Variants in ZNF804A observed in about 807,000 individuals in gnomAD.
The protein encoded by ZNF804A is zinc finger protein 804A.
ZNF804A carries 2 observed loss-of-function variants against 16.5 expected under a neutral mutation model. The observed-to-expected ratio is 0.12, with a 90% CI of 0.05 to 0.38. The LOEUF is 0.38. ZNF804A is among the 10% of genes least tolerant of loss of function. The pLI, the probability that ZNF804A is intolerant of heterozygous loss-of-function variation, is 0.99. For synonymous variants in ZNF804A, 534 were observed against 489.6 expected (o/e 1.09, Z -1.20); for missense variants, 1,473 against 1,390.7 (o/e 1.06, Z -0.94).
chr2:184,755,098 C>T (rs1693938776), intron 1 of ZNF804A, among the ~76,000 whole-genome samples: 1 of 151,830 alleles, frequency 6.6e-6, no homozygotes, highest in Admixed American at 6.6e-5. Flanking sequence ...GCAGAATGAT[C>T]TCAGTGTTAA....
chr2:184,661,472 G>A (rs746892909), intron 1 of ZNF804A, among the ~76,000 whole-genome samples: 14 of 152,172 alleles, frequency 9.2e-5, no homozygotes, highest in Admixed American at 5.2e-4. Flanking sequence ...TTTATTGAGC[G>A]ACAGAAGAAA....
intron 1 of ZNF804A, among the ~76,000 whole-genome samples, chr2:184,862,796 T>C (rs1391771643): frequency 1.3e-5 from 2 of 152,132 alleles, no homozygotes; most frequent in Non-Finnish European, 2.9e-5. Flanking sequence ...TATATGGGCC[T>C]TAATGGAATT....
chr2:184,777,397 T>C (rs1014006954), intron 1 of ZNF804A, among the ~76,000 whole-genome samples: 3 of 151,696 alleles, frequency 2.0e-5, no homozygotes, highest in African/African-American at 4.8e-5. Context: ...GTTTTCCAGA[T>C]TAGTGACTTT....
At chr2:184,644,503 ATTAT>A (rs1202503555) in intron 1 of ZNF804A, among the ~76,000 whole-genome samples, 2 of 151,848 alleles carry the variant, frequency 1.3e-5, no homozygotes, top group African/African-American at 4.8e-5. Context: ...AAAATCTGTA[ATTAT>A]TTGTTTGACA....
intron 1 of ZNF804A, among the ~76,000 whole-genome samples, chr2:184,794,475 C>A (rs1487179812): frequency 6.6e-6 from 1 of 151,972 alleles, no homozygotes; most frequent in South Asian, 2.1e-4. Flanking sequence ...GGATAGTAGT[C>A]CTTTGTCAGA....
At chr2:184,700,342 C>A (rs1457010162) in intron 1 of ZNF804A, among the ~76,000 whole-genome samples, 3 of 151,968 alleles carry the variant, frequency 2.0e-5, no homozygotes, top group Non-Finnish European at 4.4e-5. Flanking sequence ...ATACTGTTTA[C>A]TGAAAAATAT....
At chr2:184,921,010 C>T (rs1042468689) in intron 2 of ZNF804A, among the ~76,000 whole-genome samples, 4 of 152,128 alleles carry the variant, frequency 2.6e-5, no homozygotes, top group African/African-American at 9.7e-5. Flanking sequence ...ATTCATACAC[C>T]TTCCCTAATC....
At chr2:184,912,605 A>G (rs1685381251) in intron 2 of ZNF804A, among the ~76,000 whole-genome samples, 1 of 152,056 alleles carries the variant, frequency 6.6e-6, no homozygotes, top group Non-Finnish European at 1.5e-5. Flanking sequence ...CATCCTTGCC[A>G]ACATGTATTA....
At chr2:184,618,196 TATC>T (rs1184656685) in intron 1 of ZNF804A, among the ~76,000 whole-genome samples, 1 of 152,118 alleles carries the variant, frequency 6.6e-6, no homozygotes, top group African/African-American at 2.4e-5. Flanking sequence ...TGCCTCCAAA[TATC>T]ATGGTTTAAT....
chr2:184,776,710 C>T (rs1480139707), intron 1 of ZNF804A, among the ~76,000 whole-genome samples: 1 of 151,384 alleles, frequency 6.6e-6, no homozygotes, highest in Non-Finnish European at 1.5e-5. Flanking sequence ...AAGTTTCATG[C>T]TAACCTGTAT....
At chr2:184,791,923 C>A (rs1365945160) in intron 1 of ZNF804A, among the ~76,000 whole-genome samples, 2 of 152,104 alleles carry the variant, frequency 1.3e-5, no homozygotes, top group African/African-American at 4.8e-5. Context: ...TCATACAATA[C>A]GTAGCCTTTT....
chr2:184,816,000 G>A (rs1218493478), intron 1 of ZNF804A, among the ~76,000 whole-genome samples: 2 of 151,888 alleles, frequency 1.3e-5, no homozygotes, highest in Non-Finnish European at 2.9e-5. Flanking sequence ...AAATATACAG[G>A]TACAGTACAT....
intron 1 of ZNF804A, among the ~76,000 whole-genome samples, chr2:184,732,726 A>G (rs1693539682): frequency 6.6e-6 from 1 of 152,052 alleles, no homozygotes; most frequent in Admixed American, 6.6e-5. Context: ...ACTTTTCCTC[A>G]TATAGATATA....
chr2:184,680,811 G>A (rs1692527531), intron 1 of ZNF804A, among the ~76,000 whole-genome samples: 1 of 152,244 alleles, frequency 6.6e-6, no homozygotes, highest in Non-Finnish European at 1.5e-5. Context: ...GAGAAGGAGA[G>A]AAGAGCTGTG....
chr2:184,841,624 C>T (rs993848699), intron 1 of ZNF804A, among the ~76,000 whole-genome samples: 2 of 152,130 alleles, frequency 1.3e-5, no homozygotes, highest in African/African-American at 2.4e-5. Flanking sequence ...TTCTTAAATA[C>T]ACTGGCTGAC....
intron 1 of ZNF804A, among the ~76,000 whole-genome samples, chr2:184,640,973 G>C (rs1691787371): frequency 1.3e-5 from 2 of 152,026 alleles, no homozygotes; most frequent in Non-Finnish European, 1.5e-5. Context: ...TATTTACCCT[G>C]ATATAGAGTC....
intron 1 of ZNF804A, among the ~76,000 whole-genome samples, chr2:184,616,882 C>A (rs1691330520): frequency 6.6e-6 from 1 of 152,062 alleles, no homozygotes; most frequent in Non-Finnish European, 1.5e-5. Flanking sequence ...TCAGATGACT[C>A]TTGCTGTTCT....
At chr2:184,638,982 C>T (rs530598587) in intron 1 of ZNF804A, among the ~76,000 whole-genome samples, 134 of 151,678 alleles carry the variant, frequency 8.8e-4, no homozygotes, top group Non-Finnish European at 1.6e-3. Context: ...CTCATCAAAT[C>T]ACACTCTTAC....
At chr2:184,843,119 T>C (rs1245775864) in intron 1 of ZNF804A, among the ~76,000 whole-genome samples, 1 of 152,108 alleles carries the variant, frequency 6.6e-6, no homozygotes, top group Non-Finnish European at 1.5e-5. Context: ...CCAGCTGCTA[T>C]CACCTGAACT....
Sources: gnomAD v4.1 joint callset for allele counts (sites outside exome capture counted in the v4.1 genomes callset) on GRCh38, gnomAD v4.1.1 for gene constraint, MANE v1.5 for transcripts, NCBI Gene and HGNC (gene_info 2026-07-23, HGNC 2026-07-21) for gene names.